EBF2: variants seen among roughly 807,000 people sequenced by gnomAD.
EBF2 encodes transcription factor COE2.
In EBF2, 21 loss-of-function variants were observed where a neutral mutation model predicts 72.8. That is an observed-to-expected ratio of 0.29 (90% CI 0.20 to 0.42). The LOEUF is 0.42. Among genes scored for constraint, EBF2 ranks in the 10% least tolerant of loss-of-function variants. EBF2 has a pLI of 1.00. For missense variants in EBF2, 637 were observed against 731.2 expected, an observed-to-expected ratio of 0.87 and a Z score of 1.49; for synonymous variants, 299 against 274.2, an observed-to-expected ratio of 1.09 and a Z score of -0.89.
chr8:25,929,435 T>C (rs1803443732), intron 6 of EBF2, among the ~76,000 whole-genome samples: 1 of 152,226 alleles, frequency 6.6e-6, no homozygotes, highest in Non-Finnish European at 1.5e-5. Flanking sequence ...AGTACGATGC[T>C]TATTGAGAGC....
At chr8:25,943,238 G>A (rs928688927) in intron 6 of EBF2, among the ~76,000 whole-genome samples, 4 of 150,016 alleles carry the variant, frequency 2.7e-5, no homozygotes, top group East Asian at 3.9e-4. Flanking sequence ...AGGCCAAGGT[G>A]GAAGGATTGC....
intron 10 of EBF2, among the ~76,000 whole-genome samples, chr8:25,885,724 C>T (rs1802679002): frequency 6.6e-6 from 1 of 152,156 alleles, no homozygotes; most frequent in Non-Finnish European, 1.5e-5. Context: ...ATTCTCTCGT[C>T]TGTCACCATG....
chr8:25,876,462 A>T (rs2117278638), intron 10 of EBF2, among the ~76,000 whole-genome samples: 1 of 152,322 alleles, frequency 6.6e-6, no homozygotes, highest in Middle Eastern at 3.4e-3. Flanking sequence ...AATAAAATAC[A>T]CATTCTCAGA....
chr8:25,854,089 GAAA>G (rs934423498), intron 14 of EBF2, among the ~76,000 whole-genome samples: 2 of 151,994 alleles, frequency 1.3e-5, no homozygotes, highest in African/African-American at 2.4e-5. Context: ...TTTAAAAATG[GAAA>G]ATCTCGATTT....
chr8:26,024,260 G>T (rs948242683), intron 6 of EBF2, among the ~76,000 whole-genome samples: 2 of 152,174 alleles, frequency 1.3e-5, no homozygotes, highest in East Asian at 3.9e-4. Context: ...AATTATCTCC[G>T]CACTTCAGAT....
At chr8:26,041,996 G>A in intron 2 of EBF2, 99 bp downstream of exon 2, 1 of 1,503,040 alleles carries the variant, frequency 6.7e-7, no homozygotes, top group South Asian at 1.3e-5. Flanking sequence ...CCCTGATGGT[G>A]AGAGTGGAAA....
intron 6 of EBF2, among the ~76,000 whole-genome samples, chr8:26,015,105 T>C (rs1805087483): frequency 6.6e-6 from 1 of 152,130 alleles, no homozygotes; most frequent in African/African-American, 2.4e-5. Context: ...GGACCCCCGA[T>C]AGAAACTTGG....
At chr8:26,041,971 G>A (rs1805608435) in intron 2 of EBF2, 124 bp downstream of exon 2, 3 of 1,400,584 alleles carry the variant, frequency 2.1e-6, no homozygotes, top group Admixed American at 4.1e-5. Context: ...GGGGTGAGTA[G>A]CCTCGATTTA....
Position 25,895,923 on chromosome 8 carries a change from A to ATGTGTG in EBF2, c.634-6060_634-6055dup, listed in dbSNP as rs71868613. On this transcript the variant is annotated intron_variant, in intron 7 of 15. Transcript: ENST00000520164. ...TGGCTTTTTGGAACACCGTGTGTGT[A>ATGTGTG]TGTGTGTGTGTGTGTGTGTGTGTGT... Among the ~76,000 whole-genome samples the ATGTGTG allele has an allele frequency of 6.0e-5, 9 of 149,726 alleles. No individual in the cohort carries two copies. The Middle Eastern group carries it at 0.01, about 172-fold the overall frequency.
chr8:25,929,935 G>C (rs1803453753), intron 6 of EBF2, among the ~76,000 whole-genome samples: 1 of 152,128 alleles, frequency 6.6e-6, no homozygotes, highest in Admixed American at 6.5e-5. Flanking sequence ...GGAGAATGAG[G>C]GTTATAGACT....
intron 6 of EBF2, among the ~76,000 whole-genome samples, chr8:26,005,546 A>ATATTATATATATTT (rs1585224359): frequency 1.7e-4 from 4 of 23,302 alleles, no homozygotes; most frequent in East Asian, 1.2e-3. Flanking sequence ...TATATTTTAT[A>ATATTATATATATTT]TATATATATA....
chr8:26,042,230 G>C lies in EBF2; in HGVS notation c.153C>G (p.Ala51=). 6.2e-7 allele frequency: 1 copy of C among 1,613,926 alleles called. No homozygotes were observed. The highest frequency in any genetic ancestry group is 8.5e-7 in the Non-Finnish European group (1 of 1,179,926). The change falls in exon 2 of 16, where the codon GCC becomes GCG. Residue 51 remains alanine, a synonymous_variant. Transcript: ENST00000520164. The stretch of plus-strand genomic sequence containing the variant: ...TGGAAGGAGGCTGTTTCTCAAAGTG[G>C]GCCCGGGACAGGGCGACCCCGCTGC... ...AAQSGVALSR[A]HFEKQPPSNL... is the part of the protein sequence containing the mutation.
In EBF2 at chr8:25,842,912, G is replaced by T. The variant is rs1801764334; in HGVS notation, c.*1697C>A. On this transcript the variant is annotated 3_prime_UTR_variant, in exon 16 of 16. Transcript: ENST00000520164. Reference sequence around the variant, plus strand: ...TTTCTAATGCTGAAATCCCAACCAAGAACCCCAAACTAAGTCTGTGTATAG... The same window carrying T: ...TTTCTAATGCTGAAATCCCAACCAATAACCCCAAACTAAGTCTGTGTATAG... 6.6e-6 allele frequency: 1 copy of T among 152,092 alleles called. No homozygotes were observed. Among genetic ancestry groups the T allele is most frequent in the South Asian group, 2.1e-4 (1 of 4,818 alleles). The allele number at this position is 152,092 out of a possible 1,614,324, so 9.4% of individuals were successfully genotyped here.
intron 10 of EBF2, among the ~76,000 whole-genome samples, chr8:25,881,165 A>G (rs1802600464): frequency 6.6e-6 from 1 of 152,232 alleles, no homozygotes. Flanking sequence ...TTGTAGCCAG[A>G]ATGATCTTTT....
At chr8:25,977,907 G>A (rs1330598100) in intron 6 of EBF2, among the ~76,000 whole-genome samples, 2 of 152,180 alleles carry the variant, frequency 1.3e-5, no homozygotes, top group Non-Finnish European at 2.9e-5. Context: ...ATAAGTTAGG[G>A]ATCATTATTA....
intron 6 of EBF2, among the ~76,000 whole-genome samples, chr8:25,986,413 T>C (rs147624006): frequency 1.3e-5 from 2 of 152,178 alleles, no homozygotes; most frequent in African/African-American, 4.8e-5. Flanking sequence ...TGCTGTTAAG[T>C]GCCCCCAAAC....
chr8:25,998,387 T>C (rs769724574), intron 6 of EBF2, among the ~76,000 whole-genome samples: 1 of 152,056 alleles, frequency 6.6e-6, no homozygotes, highest in African/African-American at 2.4e-5. Context: ...ACTCAATCTT[T>C]CTCGCACTAT....
intron 10 of EBF2, among the ~76,000 whole-genome samples, chr8:25,885,380 G>A (rs145030151): frequency 1.9e-3 from 295 of 152,116 alleles, no homozygotes; most frequent in Non-Finnish European, 2.8e-3. Flanking sequence ...TGAATCTCTG[G>A]ACCCATTAAA....
chr8:25,887,288 C>G (rs1802706111), intron 9 of EBF2, among the ~76,000 whole-genome samples: 1 of 152,068 alleles, frequency 6.6e-6, no homozygotes, highest in Non-Finnish European at 1.5e-5. Context: ...CTGCTGAACT[C>G]CTATCCTGCT....
Sources: allele counts gnomAD v4.1 joint callset (sites outside exome capture counted in the v4.1 genomes callset), GRCh38; gene constraint gnomAD v4.1.1; transcripts MANE v1.5; gene names NCBI Gene and HGNC (gene_info 2026-07-23, HGNC 2026-07-21).